The following LRRIQ3 variants were observed in gnomAD, a reference collection of about 807,000 sequenced individuals.
The protein encoded by LRRIQ3 is leucine-rich repeat and IQ domain-containing protein 3.
In LRRIQ3, 75 loss-of-function variants were observed where a neutral mutation model predicts 59.3. The observed-to-expected ratio is 1.26, with a 90% CI of 1.05 to 1.53. The LOEUF (loss-of-function observed/expected upper bound fraction) is 1.53. LRRIQ3 is among the 40% of genes most tolerant of loss of function. LRRIQ3 has a pLI of 0.00. For missense variants in LRRIQ3, 831 were observed against 710.0 expected, an observed-to-expected ratio of 1.17 and a Z score of -1.94; for synonymous variants, 250 against 231.3, an observed-to-expected ratio of 1.08 and a Z score of -0.73.
intron 5 of LRRIQ3, among the ~76,000 whole-genome samples, chr1:74,075,157 G>A (rs1469753139): frequency 2.6e-5 from 4 of 152,110 alleles, no homozygotes; most frequent in Non-Finnish European, 5.9e-5. Context: ...GTAATAAAGG[G>A]AGGTACAAAA....
intron 5 of LRRIQ3, among the ~76,000 whole-genome samples, chr1:74,094,841 C>G (rs976958684): frequency 6.6e-6 from 1 of 152,062 alleles, no homozygotes; most frequent in East Asian, 1.9e-4. Flanking sequence ...GGTTTGCTCC[C>G]TTTGGTAGAG....
At chr1:74,065,148 T>C (rs1057309279) in intron 6 of LRRIQ3, among the ~76,000 whole-genome samples, 2 of 152,156 alleles carry the variant, frequency 1.3e-5, no homozygotes, top group African/African-American at 4.8e-5. Flanking sequence ...TAGCTGGCAC[T>C]ACAGAAGACT....
intron 6 of LRRIQ3, among the ~76,000 whole-genome samples, chr1:74,045,590 A>C (rs1365587663): frequency 6.6e-6 from 1 of 152,134 alleles, no homozygotes; most frequent in African/African-American, 2.4e-5. Context: ...TATTCAACAT[A>C]GTATTGGAAG....
intron 5 of LRRIQ3, among the ~76,000 whole-genome samples, chr1:74,105,738 T>C (rs1190737658): frequency 6.6e-6 from 1 of 152,044 alleles, no homozygotes; most frequent in Non-Finnish European, 1.5e-5. Flanking sequence ...TTTAATTTTA[T>C]TTGATCTTAC....
At chr1:74,196,316 T>G (rs1189008671) in intron 1 of LRRIQ3, among the ~76,000 whole-genome samples, 1 of 152,172 alleles carries the variant, frequency 6.6e-6, no homozygotes, top group East Asian at 1.9e-4. Flanking sequence ...ACTTCTTCCT[T>G]CTTTATTTCA....
At chr1:74,147,291 T>C (rs979565659) in intron 4 of LRRIQ3, among the ~76,000 whole-genome samples, 2 of 152,188 alleles carry the variant, frequency 1.3e-5, no homozygotes, top group East Asian at 1.9e-4. Context: ...GTACACTTAA[T>C]CTCTAAAATT....
chr1:74,059,584 T>C (rs1312916524), intron 6 of LRRIQ3, among the ~76,000 whole-genome samples: 2 of 152,092 alleles, frequency 1.3e-5, no homozygotes, highest in African/African-American at 2.4e-5. Flanking sequence ...AGTTTTCACA[T>C]TGTCTTAATT....
intron 6 of LRRIQ3, among the ~76,000 whole-genome samples, chr1:74,049,449 T>G (rs1570027380): frequency 6.6e-6 from 1 of 152,106 alleles, no homozygotes; most frequent in Non-Finnish European, 1.5e-5. Flanking sequence ...AGGGCCTAGA[T>G]GAAAGCAATA....
At chr1:74,180,725 T>C in intron 3 of LRRIQ3, 1 of 1,550,104 alleles carries the variant, frequency 6.5e-7, no homozygotes, top group Non-Finnish European at 8.7e-7. Context: ...ACTCATTTGC[T>C]GTCCAATATT....
At chr1:74,191,491 T>C (rs1262900801) in intron 1 of LRRIQ3, among the ~76,000 whole-genome samples, 1 of 152,142 alleles carries the variant, frequency 6.6e-6, no homozygotes, top group Non-Finnish European at 1.5e-5. Flanking sequence ...ATATACATTC[T>C]TTTCAAGCTC....
intron 5 of LRRIQ3, among the ~76,000 whole-genome samples, chr1:74,097,968 C>T (rs150880300): frequency 6.6e-6 from 1 of 152,256 alleles, no homozygotes; most frequent in African/African-American, 2.4e-5. Context: ...ATTGTAAAGA[C>T]CATCGATGCT....
At chr1:74,103,901 C>G (rs528212868) in intron 5 of LRRIQ3, among the ~76,000 whole-genome samples, 10 of 151,936 alleles carry the variant, frequency 6.6e-5, no homozygotes, top group African/African-American at 2.2e-4. Context: ...GACTTGCCAG[C>G]TCTGTTCTGC....
chr1:74,080,633 G>A (rs1646263479), intron 5 of LRRIQ3, among the ~76,000 whole-genome samples: 1 of 151,594 alleles, frequency 6.6e-6, no homozygotes, highest in African/African-American at 2.4e-5. Context: ...TTGTAATTTT[G>A]TTTTCACATT....
chr1:74,086,989 C>T (rs1319653681), intron 5 of LRRIQ3, among the ~76,000 whole-genome samples: 2 of 152,042 alleles, frequency 1.3e-5, no homozygotes, highest in African/African-American at 4.8e-5. Context: ...TTTACTCTTT[C>T]CTTCATATCT....
At position 74,074,767 on chromosome 1, in the gene LRRIQ3, TA is replaced by T. The variant is rs1646184477; in HGVS notation, c.890del (p.Leu297Ter). ...GTTTTCTGTGTTCACTGGAATTTTT[TA>T]AATCAACAGGATAATATATATTCTG... The part of the protein sequence containing the change: ...WKHNIYYPVD[L>X]KNSSEHRKHV... On this transcript the variant is annotated frameshift_variant, in exon 6 of 8. Coordinates refer to ENST00000354431, the MANE Select transcript of LRRIQ3 (RefSeq NM_001105659.2). LOFTEE classifies it high-confidence loss of function. 1 of 1,392,934 alleles carries T rather than the reference TA, an allele frequency of 7.2e-7. No homozygotes were observed. Among genetic ancestry groups the T allele is most frequent in the Non-Finnish European group, 9.7e-7 (1 of 1,030,502 alleles). 86.3% of individuals were successfully genotyped at this position (1,392,934 alleles called of 1,614,324 possible).
chr1:74,148,646 T>C (rs191224101), intron 4 of LRRIQ3, among the ~76,000 whole-genome samples: 23 of 152,266 alleles, frequency 1.5e-4, no homozygotes, highest in Admixed American at 5.2e-4. Flanking sequence ...TCAGTGAAAA[T>C]TCTGTTTTTA....
At chr1:74,071,575 C>T (rs529441418) in intron 6 of LRRIQ3, among the ~76,000 whole-genome samples, 5 of 152,218 alleles carry the variant, frequency 3.3e-5, no homozygotes, top group Non-Finnish European at 5.9e-5. Flanking sequence ...CTCCTTGTTT[C>T]ATTTGAGTCT....
intron 5 of LRRIQ3, among the ~76,000 whole-genome samples, chr1:74,096,421 CCAATTATAGGAAAGCCAGTCAAAAGG>C (rs1465957399): frequency 6.6e-6 from 1 of 151,932 alleles, no homozygotes; most frequent in Non-Finnish European, 1.5e-5. Flanking sequence ...CAAAACTGGA[CCAATTATAGGAAAGCCAGTCAAAAGG>C]CAATTATAGG....
chr1:74,192,665 A>C (rs149215004), intron 1 of LRRIQ3, among the ~76,000 whole-genome samples: 5 of 152,246 alleles, frequency 3.3e-5, no homozygotes, highest in African/African-American at 1.2e-4. Flanking sequence ...TTGCCAGTAT[A>C]TAAACAACCT....
Sources: allele counts gnomAD v4.1 joint callset (sites outside exome capture counted in the v4.1 genomes callset), GRCh38; gene constraint gnomAD v4.1.1; transcripts MANE v1.5; gene names NCBI Gene and HGNC (gene_info 2026-07-23, HGNC 2026-07-21).